EDIL3: variants seen among roughly 807,000 people sequenced by gnomAD.
EDIL3 encodes EGF like and discoidin domains 3.
In EDIL3, 37 loss-of-function variants were observed where a neutral mutation model predicts 67.4. The ratio of observed to expected loss-of-function variants is 0.55; its 90% CI spans 0.42 to 0.72. The LOEUF (loss-of-function observed/expected upper bound fraction) is 0.72. EDIL3 is among the 30% of genes least tolerant of loss of function. EDIL3 has a pLI of 0.00. For synonymous variants in EDIL3, 195 were observed against 196.3 expected, an observed-to-expected ratio of 0.99 and a Z score of 0.05; for missense variants, 527 against 586.3, an observed-to-expected ratio of 0.90 and a Z score of 1.04.
intron 2 of EDIL3, among the ~76,000 whole-genome samples, chr5:84,252,744 T>C (rs1450547414): frequency 6.6e-6 from 1 of 152,028 alleles, no homozygotes; most frequent in African/African-American, 2.4e-5. Context: ...ATACAGACTT[T>C]CCTGAGGATA....
chr5:84,048,033 C>T (rs1746255064), intron 9 of EDIL3: 1 of 158,912 alleles, frequency 6.3e-6, no homozygotes, highest in Non-Finnish European at 1.4e-5. Flanking sequence ...AAAGTGTGAG[C>T]ATCCTTCGAT....
intron 2 of EDIL3, among the ~76,000 whole-genome samples, chr5:84,243,656 T>G (rs142349402): frequency 6.6e-6 from 1 of 152,202 alleles, no homozygotes; most frequent in Non-Finnish European, 1.5e-5. Flanking sequence ...ATTTGCTATA[T>G]TTTCCAAGGA....
chr5:84,146,370 C>T (rs1247065389), intron 4 of EDIL3, among the ~76,000 whole-genome samples: 2 of 152,038 alleles, frequency 1.3e-5, no homozygotes, highest in South Asian at 2.1e-4. Context: ...TGCTAATCAC[C>T]CATATGTTTC....
chr5:84,206,163 G>A (rs1405816249), intron 3 of EDIL3, among the ~76,000 whole-genome samples: 9 of 152,012 alleles, frequency 5.9e-5, no homozygotes, highest in Admixed American at 3.3e-4. Flanking sequence ...CCTTCATTTC[G>A]TTAGGTACCC....
intron 9 of EDIL3, among the ~76,000 whole-genome samples, chr5:83,985,374 T>G (rs1745041770): frequency 6.6e-6 from 1 of 152,136 alleles, no homozygotes; most frequent in Non-Finnish European, 1.5e-5. Flanking sequence ...CAAATTTTTT[T>G]AAAGACTCTA....
chr5:84,359,364 T>C (rs944187500), intron 1 of EDIL3, among the ~76,000 whole-genome samples: 1 of 152,220 alleles, frequency 6.6e-6, no homozygotes, highest in Non-Finnish European at 1.5e-5. Flanking sequence ...AACATATTAC[T>C]AATATTAAAT....
At chr5:84,248,346 T>C (rs1221819715) in intron 2 of EDIL3, among the ~76,000 whole-genome samples, 1 of 152,218 alleles carries the variant, frequency 6.6e-6, no homozygotes, top group Non-Finnish European at 1.5e-5. Context: ...ATCCTGAACT[T>C]ACTGTGCACC....
intron 9 of EDIL3, among the ~76,000 whole-genome samples, chr5:83,973,331 G>T (rs182550410): frequency 4.0e-4 from 61 of 152,070 alleles, no homozygotes; most frequent in African/African-American, 1.3e-3. Context: ...ATCCAATAAA[G>T]ATTTTTCAGG....
chr5:84,023,473 C>T (rs1745754200), intron 9 of EDIL3, among the ~76,000 whole-genome samples: 2 of 152,004 alleles, frequency 1.3e-5, no homozygotes, highest in Non-Finnish European at 2.9e-5. Context: ...TTAGTCGAAA[C>T]CCTATAATGT....
intron 4 of EDIL3, among the ~76,000 whole-genome samples, chr5:84,166,068 C>T (rs1580357182): frequency 6.6e-6 from 1 of 152,076 alleles, no homozygotes; most frequent in East Asian, 1.9e-4. Context: ...TGTCACTCCT[C>T]TGTCTTCCAA....
chr5:84,229,587 T>C (rs1744524677), intron 3 of EDIL3, among the ~76,000 whole-genome samples: 1 of 152,214 alleles, frequency 6.6e-6, no homozygotes, highest in Non-Finnish European at 1.5e-5. Context: ...ATTTTCCTTA[T>C]TCTTTAATGT....
chr5:83,955,446 T>C (rs766634134), intron 10 of EDIL3, among the ~76,000 whole-genome samples: 2 of 151,766 alleles, frequency 1.3e-5, no homozygotes, highest in South Asian at 4.1e-4. Flanking sequence ...AGAAAAACTA[T>C]ATTGTTTCAA....
intron 3 of EDIL3, among the ~76,000 whole-genome samples, chr5:84,217,005 C>T (rs367593757): frequency 6.6e-6 from 1 of 152,138 alleles, no homozygotes; most frequent in East Asian, 1.9e-4. Context: ...GACCTGAAGG[C>T]CCATGGCATT....
At chr5:84,242,064 CAAAAAAA>C (rs397702402) in intron 2 of EDIL3, among the ~76,000 whole-genome samples, 90 of 122,316 alleles carry the variant, frequency 7.4e-4, no homozygotes, top group African/African-American at 2.7e-3. Flanking sequence ...ACTAAAAGTA[CAAAAAAA>C]AAAAAAAAAA....
Position 83,976,756 on chromosome 5 carries a change from C to T in EDIL3, c.1138-13396G>A, listed in dbSNP as rs1744883488. On this transcript the variant is annotated intron_variant, in intron 9 of 10. Coordinates refer to ENST00000296591, the MANE Select transcript of EDIL3 (RefSeq NM_005711.5). Reference sequence around the variant, plus strand: ...CTCAATCCTAAATTGTTTATTGTGCCCTTGCTTTTTAAAATATAATTTTAT... The same window carrying T: ...CTCAATCCTAAATTGTTTATTGTGCTCTTGCTTTTTAAAATATAATTTTAT... Among the ~76,000 whole-genome samples the T allele has an allele frequency of 5.3e-5, 8 of 151,424 alleles. 1 individual carries two copies. Among genetic ancestry groups the T allele is most frequent in the South Asian group, 2.1e-4 (1 of 4,788 alleles).
At chr5:84,369,351 A>T (rs1198184060) in intron 1 of EDIL3, among the ~76,000 whole-genome samples, 2 of 152,062 alleles carry the variant, frequency 1.3e-5, no homozygotes, top group African/African-American at 2.4e-5. Context: ...AAGGAACGAC[A>T]ACACAACATA....
intron 1 of EDIL3, among the ~76,000 whole-genome samples, chr5:84,256,496 A>G (rs978403359): frequency 6.6e-6 from 1 of 152,170 alleles, no homozygotes; most frequent in African/African-American, 2.4e-5. Flanking sequence ...AGGGAATAAC[A>G]CACTTAAAGG....
chr5:84,077,238 G>A (rs1348392868), intron 6 of EDIL3, among the ~76,000 whole-genome samples: 3 of 152,160 alleles, frequency 2.0e-5, no homozygotes, highest in African/African-American at 7.2e-5. Context: ...AGTAAAAGTG[G>A]CAAATATCGT....
chr5:84,083,024 T>C (rs1747000766), intron 6 of EDIL3, among the ~76,000 whole-genome samples: 1 of 152,236 alleles, frequency 6.6e-6, no homozygotes, highest in Admixed American at 6.5e-5. Context: ...AGGTCATATC[T>C]TTTAATCCTT....
Sources: gnomAD v4.1 joint callset for allele counts (sites outside exome capture counted in the v4.1 genomes callset) on GRCh38, gnomAD v4.1.1 for gene constraint, MANE v1.5 for transcripts, NCBI Gene and HGNC (gene_info 2026-07-23, HGNC 2026-07-21) for gene names.